Variants in TACC2 observed in about 807,000 individuals in gnomAD.
TACC2 encodes the protein transforming acidic coiled-coil containing protein 2, also known as transforming acidic coiled-coil-containing protein 2.
In TACC2, 137 loss-of-function variants were observed where a neutral mutation model predicts 227.3. The ratio of observed to expected loss-of-function variants is 0.60; its 90% CI spans 0.52 to 0.69. The LOEUF is 0.69. Among genes scored for constraint, TACC2 ranks in the 30% least tolerant of loss-of-function variants. The probability of loss-of-function intolerance (pLI) is 0.00; values close to 1 mark genes in which losing one functional copy is unlikely to be tolerated. For missense variants in TACC2, 3,470 were observed against 3,694.4 expected, an observed-to-expected ratio of 0.94 and a Z score of 1.57; for synonymous variants, 1,523 against 1,487.5, an observed-to-expected ratio of 1.02 and a Z score of -0.55.
chr10:122,215,236 C>T (rs190444859), intron 9 of TACC2, among the ~76,000 whole-genome samples, 155 bp from the exon 10 acceptor site: 3 of 152,186 alleles, frequency 2.0e-5, no homozygotes, highest in Admixed American at 6.5e-5. Context: ...AGTGGGTAGC[C>T]GGCGTGGCCT....
chr10:122,181,523 A>C (rs1447967993), intron 7 of TACC2, among the ~76,000 whole-genome samples: 1 of 152,174 alleles, frequency 6.6e-6, no homozygotes, highest in South Asian at 2.1e-4. Context: ...TCTACTACCT[A>C]CTGTTGCCCA....
In TACC2 at chr10:121,990,921, G is replaced by C. The variant is rs549263623; in HGVS notation, c.-46+1433G>C. Reference sequence around the variant, plus strand: ...TCCTGCCTCAGCCCCCTGAGTAGCTGGGATTACAGGCACCTGCCACCACGC... The same window carrying C: ...TCCTGCCTCAGCCCCCTGAGTAGCTCGGATTACAGGCACCTGCCACCACGC... On this transcript the variant is annotated intron_variant, in intron 1 of 22. Coordinates refer to ENST00000369005, the MANE Select transcript of TACC2 (RefSeq NM_206862.4). 7.9e-5 allele frequency among the ~76,000 whole-genome samples: 12 copies of C among 152,170 alleles called. No individual in the cohort carries two copies. In the East Asian group the frequency reaches 2.3e-3, roughly 29 times the overall value.
rs769102037 is a variant in TACC2, at chr10:122,084,638, T to A, written c.2138T>A (p.Phe713Tyr). ...GAAGGATTGGGAAGAATGGAGTCTT[T>A]CCTGACTTTAGAATCAGAGAAATCA... ...SREGLGRMES[F>Y]LTLESEKSDF... Residue 713 changes from phenylalanine to tyrosine, a missense_variant, in exon 4 of 23, where the codon TTC becomes TAC. Phe to Tyr is a conservative substitution (Grantham distance 22). Coordinates refer to ENST00000369005, the MANE Select transcript of TACC2 (RefSeq NM_206862.4). 6.2e-7 allele frequency: 1 copy of A among 1,613,790 alleles called. No individual in the cohort carries two copies. The highest frequency in any genetic ancestry group is 8.5e-7 in the Non-Finnish European group (1 of 1,180,038).
Position 122,218,824 on chromosome 10 carries a change from G to A in TACC2, c.7546+1996G>A, listed in dbSNP as rs112356528. Among the ~76,000 whole-genome samples the A allele has an allele frequency of 5.3e-5, 8 of 151,786 alleles. 2 individuals are homozygous for A. Among genetic ancestry groups the A allele is most frequent in the African/African-American group, 1.7e-4 (7 of 41,370 alleles). ...AGCTCAAGACCCAGGTGTTCAAGAC[G>A]AGCCTGGGCAACATGGCAAAACACT... On this transcript the variant is annotated intron_variant, in intron 11 of 22. Transcript: ENST00000369005.
At chr10:122,064,217 C>A (rs545226191) in intron 3 of TACC2, among the ~76,000 whole-genome samples, 1 of 151,286 alleles carries the variant, frequency 6.6e-6, no homozygotes, top group African/African-American at 2.4e-5. Context: ...TGTATATGCA[C>A]TTTAAAAATA....
At chr10:122,066,506 A>G (rs1008212621) in intron 3 of TACC2, among the ~76,000 whole-genome samples, 9 of 152,152 alleles carry the variant, frequency 5.9e-5, no homozygotes, top group African/African-American at 2.2e-4. Context: ...TAACCTTGTG[A>G]TCCGCCTGCC....
intron 7 of TACC2, among the ~76,000 whole-genome samples, chr10:122,168,561 G>A (rs1412282139): frequency 6.6e-6 from 1 of 152,174 alleles, no homozygotes; most frequent in East Asian, 1.9e-4. Context: ...TAGGTGGGCT[G>A]AAGGCAAATA....
chr10:122,120,437 C>A (rs1306388074), intron 5 of TACC2, among the ~76,000 whole-genome samples: 1 of 152,144 alleles, frequency 6.6e-6, no homozygotes, highest in Non-Finnish European at 1.5e-5. Flanking sequence ...TATGCCCCCA[C>A]CCCCTGGTGG....
intron 2 of TACC2, among the ~76,000 whole-genome samples, chr10:122,041,654 C>G (rs1460663628): frequency 6.6e-6 from 1 of 152,092 alleles, no homozygotes; most frequent in Non-Finnish European, 1.5e-5. Context: ...ACCGTGTTGC[C>G]CAGGCCAGGC....
chr10:122,217,029 C>T, intron 11 of TACC2: 4 of 1,090,664 alleles, frequency 3.7e-6, no homozygotes, highest in Non-Finnish European at 5.1e-6. Context: ...TGTCCCTTGA[C>T]CCAAGACTCC....
intron 10 of TACC2, among the ~76,000 whole-genome samples, chr10:122,216,154 C>T (rs544671277): frequency 6.6e-6 from 1 of 152,294 alleles, no homozygotes; most frequent in South Asian, 2.1e-4. Flanking sequence ...AGCTGCAGCT[C>T]TGTCCTGACC....
chr10:122,215,266 C>T (rs546600007), intron 9 of TACC2, 125 bp from the exon 10 acceptor site: 1 of 797,666 alleles, frequency 1.3e-6, no homozygotes, highest in African/African-American at 1.7e-5. Context: ...GCTGGAGTGA[C>T]AGAGGTGGGA....
chr10:122,104,461 C>T (rs997192091), intron 5 of TACC2, among the ~76,000 whole-genome samples: 1 of 152,106 alleles, frequency 6.6e-6, no homozygotes, highest in Non-Finnish European at 1.5e-5. Flanking sequence ...CTCCGCCTCC[C>T]AGGTTCAAGT....
chr10:122,062,324 C>A (rs112286719), intron 3 of TACC2, among the ~76,000 whole-genome samples: 1 of 149,344 alleles, frequency 6.7e-6, no homozygotes, highest in East Asian at 2.0e-4. Flanking sequence ...TGAGCCACCA[C>A]GCCTGGAGTT....
chr10:122,140,339 C>A (rs1289992673), intron 6 of TACC2, among the ~76,000 whole-genome samples: 1 of 152,188 alleles, frequency 6.6e-6, no homozygotes, highest in African/African-American at 2.4e-5. Flanking sequence ...TCAGCTCTGT[C>A]CTAAACAAAA....
intron 19 of TACC2, 105 bp from the exon 20 acceptor site, chr10:122,248,538 G>T: frequency 7.6e-7 from 1 of 1,321,476 alleles, no homozygotes; most frequent in Non-Finnish European, 1.1e-6. Flanking sequence ...GGTTTGAGAT[G>T]CCCCCACTGG....
chr10:122,192,919 C>G (rs531182126), intron 7 of TACC2: 8 of 373,132 alleles, frequency 2.1e-5, no homozygotes, highest in Non-Finnish European at 5.4e-6. Flanking sequence ...CCAGGCTGAT[C>G]TGAACTCTCA....
chr10:122,087,859 G>A lies in TACC2; in HGVS notation c.5359G>A (p.Ala1787Thr). 6.6e-7 allele frequency: 1 copy of A among 1,523,846 alleles called. No homozygotes were observed. The highest frequency in any genetic ancestry group is 1.4e-5 in the African/African-American group (1 of 72,236). The allele number at this position is 1,523,846 out of a possible 1,614,324, so 94.4% of individuals were successfully genotyped here. A position where few individuals can be genotyped will look rare whatever the true frequency, so the allele number is the denominator to read the frequency against. ...GCCAGGGCCTGAGCGCCCCATTCCA[G>A]CTGGGGATGGGAAGGTGTGCGTCTC... ...EQPGPERPIP[A>T]GDGKVCVSSP... The change falls in exon 4 of 23, where the codon GCT (alanine) becomes ACT (threonine). Residue 1787 changes from alanine (A) to threonine (T), a missense_variant. Ala to Thr is a moderately conservative substitution (Grantham distance 58). Coordinates refer to ENST00000369005, the MANE Select transcript of TACC2 (RefSeq NM_206862.4).
At chr10:122,170,895 T>C (rs1156775673) in intron 7 of TACC2, among the ~76,000 whole-genome samples, 1 of 152,154 alleles carries the variant, frequency 6.6e-6, no homozygotes, top group African/African-American at 2.4e-5. Flanking sequence ...TTCTGCTCCG[T>C]CCCTTGGCTG....
Sources: gnomAD v4.1 joint callset for allele counts (sites outside exome capture counted in the v4.1 genomes callset) on GRCh38, gnomAD v4.1.1 for gene constraint, MANE v1.5 for transcripts, NCBI Gene and HGNC (gene_info 2026-07-23, HGNC 2026-07-21) for gene names.